RALGAPA1: variants seen among roughly 807,000 people sequenced by gnomAD.
The protein encoded by RALGAPA1 is Ral GTPase activating protein catalytic subunit alpha 1.
In RALGAPA1, 52 loss-of-function variants were observed where a neutral mutation model predicts 269.6. The observed-to-expected ratio is 0.19, with a 90% CI of 0.15 to 0.24. The LOEUF (loss-of-function observed/expected upper bound fraction) is 0.24, where lower values mean the gene tolerates loss of function less well. Ranked by LOEUF, RALGAPA1 falls within the 10% of genes least tolerant of loss-of-function variation. The pLI is 1.00. For synonymous variants in RALGAPA1, 817 were observed against 1,008.3 expected, an observed-to-expected ratio of 0.81 and a Z score of 3.60; for missense variants, 1,917 against 3,013.9, an observed-to-expected ratio of 0.64 and a Z score of 8.52.
chr14:35,592,368 T>C (rs1212495546), intron 37 of RALGAPA1, among the ~76,000 whole-genome samples: 1 of 152,170 alleles, frequency 6.6e-6, no homozygotes, highest in African/African-American at 2.4e-5. Flanking sequence ...AAGAATTAAT[T>C]AGAAACCTTT....
intron 39 of RALGAPA1, among the ~76,000 whole-genome samples, chr14:35,553,302 GT>G (rs1412133789): frequency 1.3e-5 from 2 of 152,120 alleles, no homozygotes; most frequent in African/African-American, 4.8e-5. Context: ...ACTATTTCTT[GT>G]TTGCGGCACG....
chr14:35,566,444 A>T (rs527285082), intron 39 of RALGAPA1, among the ~76,000 whole-genome samples: 13 of 152,242 alleles, frequency 8.5e-5, no homozygotes, highest in Admixed American at 3.9e-4. Flanking sequence ...GAGTACTTTT[A>T]TTGGGCATAA....
intron 35 of RALGAPA1, among the ~76,000 whole-genome samples, chr14:35,610,890 C>A (rs1352319344): frequency 6.6e-5 from 10 of 151,906 alleles, no homozygotes; most frequent in Non-Finnish European, 2.9e-5. Context: ...TATAATAGCA[C>A]CCAAAAGAAT....
intron 35 of RALGAPA1, among the ~76,000 whole-genome samples, chr14:35,609,062 T>G (rs2059762270): frequency 6.6e-6 from 1 of 151,862 alleles, no homozygotes; most frequent in Non-Finnish European, 1.5e-5. Flanking sequence ...CCGTCTCTAC[T>G]AAAAATACAA....
rs183762489 is a variant in RALGAPA1, at chr14:35,593,489, G to A, written c.7209+2145C>T. On this transcript the variant is annotated intron_variant, in intron 37 of 41. Transcript: ENST00000680220. Reference sequence around the variant, plus strand: ...AATAGAAAAATCAATTCTAAAATTCGTATGGAACCACAAAAAACCCTCAAA... The same window carrying A: ...AATAGAAAAATCAATTCTAAAATTCATATGGAACCACAAAAAACCCTCAAA... Among the ~76,000 whole-genome samples, 224 of 151,898 alleles carry A rather than the reference G, an allele frequency of 1.5e-3. 1 individual carries two copies. Among genetic ancestry groups the A allele is most frequent in the Non-Finnish European group, 2.6e-3 (174 of 67,950 alleles).
intron 12 of RALGAPA1, among the ~76,000 whole-genome samples, chr14:35,730,192 G>A (rs556315554): frequency 2.6e-5 from 4 of 152,294 alleles, no homozygotes; most frequent in East Asian, 1.9e-4. Flanking sequence ...TTAGAGAGCC[G>A]AGGGAAATAC....
At chr14:35,575,497 A>T (rs1389576859) in intron 37 of RALGAPA1, among the ~76,000 whole-genome samples, 2 of 152,238 alleles carry the variant, frequency 1.3e-5, no homozygotes, top group Non-Finnish European at 2.9e-5. Flanking sequence ...CACCTGATAC[A>T]GGAGCTTGTG....
intron 4 of RALGAPA1, chr14:35,766,208 G>C: frequency 3.6e-6 from 3 of 822,754 alleles, no homozygotes; most frequent in Non-Finnish European, 6.5e-6. Context: ...TTTCCCTGGA[G>C]GATTTGATGG....
At chr14:35,557,094 ATGTATGTGTG>A (rs2055684386) in intron 39 of RALGAPA1, among the ~76,000 whole-genome samples, 1 of 78,948 alleles carries the variant, frequency 1.3e-5, no homozygotes, top group African/African-American at 5.1e-5. Context: ...ATTATCCAAT[ATGTATGTGTG>A]TGTGTGTGTG....
intron 41 of RALGAPA1, among the ~76,000 whole-genome samples, chr14:35,546,513 T>C (rs913597939): frequency 1.1e-4 from 17 of 151,904 alleles, no homozygotes; most frequent in Middle Eastern, 3.4e-3. Context: ...AATATAATTA[T>C]GTTATAGGGT....
chr14:35,590,438 C>A (rs1435875192), intron 37 of RALGAPA1, among the ~76,000 whole-genome samples: 3 of 152,140 alleles, frequency 2.0e-5, no homozygotes, highest in Non-Finnish European at 4.4e-5. Flanking sequence ...GAGAGAGGAA[C>A]CTGGTGGGAG....
At chr14:35,743,334 T>A (rs2071749168) in intron 10 of RALGAPA1, among the ~76,000 whole-genome samples, 1 of 152,162 alleles carries the variant, frequency 6.6e-6, no homozygotes, top group Non-Finnish European at 1.5e-5. Context: ...TGCACACTGA[T>A]ATAGGAATGT....
rs1454563444 is a variant in RALGAPA1 at position 35,700,181 on chromosome 14, G to A, written c.2388C>T (p.Pro796=). ...KPFLPDIVLT[P]LSDELSDIDD... is the part of the protein sequence containing the mutation. ...CACTACCTGAAAGCTCATCAGAAAG[G>A]GGAGTGAGAACAATATCAGGCAAGA... The change falls in exon 17 of 42, where the codon CCC becomes CCT. Residue 796 remains proline (P), a synonymous_variant. Coordinates refer to ENST00000680220, the MANE Select transcript of RALGAPA1 (RefSeq NM_001346249.2). The A allele has an allele frequency of 1.3e-6, 2 of 1,533,854 alleles. No homozygotes were observed. The highest frequency in any genetic ancestry group is 1.7e-6 in the Non-Finnish European group (2 of 1,146,308).
At chr14:35,617,631 GT>G (rs2060337173) in intron 35 of RALGAPA1, among the ~76,000 whole-genome samples, 1 of 76,694 alleles carries the variant, frequency 1.3e-5, no homozygotes, top group Non-Finnish European at 2.4e-5. Context: ...GTGTGTGTGT[GT>G]GGGGTGGGGG....
At chr14:35,557,096 G>GTA (rs1179988651) in intron 39 of RALGAPA1, among the ~76,000 whole-genome samples, 1 of 100,174 alleles carries the variant, frequency 1.0e-5, no homozygotes, top group Non-Finnish European at 1.8e-5. Flanking sequence ...TATCCAATAT[G>GTA]TATGTGTGTG....
intron 35 of RALGAPA1, among the ~76,000 whole-genome samples, chr14:35,620,485 C>T (rs1306526369): frequency 2.6e-5 from 4 of 152,042 alleles, no homozygotes; most frequent in Non-Finnish European, 4.4e-5. Flanking sequence ...CACTCCTATT[C>T]AACATAGTGT....
chr14:35,686,135 T>C (rs1158416526), intron 19 of RALGAPA1, among the ~76,000 whole-genome samples: 5 of 150,410 alleles, frequency 3.3e-5, no homozygotes, highest in Non-Finnish European at 7.4e-5. Context: ...TTTTAAATTA[T>C]ATATTAGATT....
rs758313213 is a variant in RALGAPA1 at position 35,605,712 on chromosome 14, A to G, written c.6930-3T>C. On this transcript the variant is annotated splice_region_variant and splice_polypyrimidine_tract_variant and intron_variant, in intron 35 of 41. Transcript: ENST00000680220. ...CTGCAATCTTGTGTGTCTCTCGGCT[A>G]TAAAACAAAAGATTACACCATTAAT... The G allele has an allele frequency of 2.5e-6, 4 of 1,603,778 alleles. No homozygotes were observed. Among genetic ancestry groups the G allele is most frequent in the Non-Finnish European group, 3.4e-6 (4 of 1,177,496 alleles).
chr14:35,616,786 C>T (rs1566832148), intron 35 of RALGAPA1, among the ~76,000 whole-genome samples: 1 of 152,108 alleles, frequency 6.6e-6, no homozygotes, highest in Non-Finnish European at 1.5e-5. Context: ...ACTTGATGGT[C>T]AGGATGCTAA....
Sources: gnomAD v4.1 joint callset for allele counts (sites outside exome capture counted in the v4.1 genomes callset) on GRCh38, gnomAD v4.1.1 for gene constraint, MANE v1.5 for transcripts, NCBI Gene and HGNC (gene_info 2026-07-23, HGNC 2026-07-21) for gene names.